DNAI3: variants seen among roughly 807,000 people sequenced by gnomAD.
The protein encoded by DNAI3 is dynein axonemal intermediate chain 3.
Under a neutral mutation model 115.5 loss-of-function variants are expected in DNAI3, and 83 were observed. The ratio of observed to expected loss-of-function variants is 0.72; its 90% confidence interval spans 0.60 to 0.86. The LOEUF (loss-of-function observed/expected upper bound fraction) is 0.86, where lower values mean the gene tolerates loss of function less well. DNAI3 is among the 40% of genes least tolerant of loss of function. DNAI3 has a pLI of 0.00. For synonymous variants in DNAI3, 320 were observed against 347.0 expected (o/e 0.92, Z 0.86); for missense variants, 1,004 against 1,075.8 (o/e 0.93, Z 0.93).
chr1:85,124,406 C>G (rs1261042336), intron 19 of DNAI3, among the ~76,000 whole-genome samples, 155 bp downstream of exon 19: 3 of 152,070 alleles, frequency 2.0e-5, no homozygotes, highest in African/African-American at 7.3e-5. Flanking sequence ...AGCAGAACCA[C>G]TGTAATCCTT....
intron 13 of DNAI3, among the ~76,000 whole-genome samples, chr1:85,104,120 C>CTTTTTT (rs1203756791): frequency 7.5e-6 from 1 of 133,532 alleles, no homozygotes; most frequent in East Asian, 2.1e-4. Flanking sequence ...GTGGTATGTC[C>CTTTTTT]TTTTTTTTTT....
intron 1 of DNAI3, among the ~76,000 whole-genome samples, chr1:85,071,694 G>A (rs1310671127): frequency 3.3e-5 from 5 of 152,182 alleles, no homozygotes; most frequent in Non-Finnish European, 7.3e-5. Flanking sequence ...GGTCACCACG[G>A]TGCGCTTCAG....
At chr1:85,119,942 C>G (rs1001383740) in intron 17 of DNAI3, among the ~76,000 whole-genome samples, 6 of 152,178 alleles carry the variant, frequency 3.9e-5, no homozygotes, top group Non-Finnish European at 8.8e-5. Context: ...TCAGGTGATC[C>G]GCTCGCCTTG....
At chr1:85,128,000 C>CACA (rs1331098698) in intron 20 of DNAI3, among the ~76,000 whole-genome samples, 3 of 151,652 alleles carry the variant, frequency 2.0e-5, no homozygotes, top group Non-Finnish European at 4.4e-5. Flanking sequence ...TGCTATGTGC[C>CACA]TGTAGTCCCA....
rs773398151 is a variant in DNAI3, at chr1:85,077,914, T to C, written c.104-3320T>C. On this transcript the variant is annotated intron_variant, in intron 3 of 22. Coordinates refer to ENST00000294664, the MANE Select transcript of DNAI3 (RefSeq NM_145172.5). Reference sequence around the variant, plus strand: ...AATGTACAATTGAAATGTATGAGAGTTGTTTTAAACAACGCTCATTATGTA... The same window carrying C: ...AATGTACAATTGAAATGTATGAGAGCTGTTTTAAACAACGCTCATTATGTA... Among the ~76,000 whole-genome samples the C allele has an allele frequency of 4.9e-4, 74 of 151,898 alleles. 1 individual carries two copies. Among genetic ancestry groups the C allele is most frequent in the South Asian group, 1.0e-3 (5 of 4,796 alleles).
intron 7 of DNAI3, 125 bp from the exon 8 acceptor site, chr1:85,089,991 A>G (rs976727175): frequency 6.2e-5 from 24 of 387,794 alleles, no homozygotes; most frequent in Non-Finnish European, 1.0e-4. Context: ...TTCAATGTAT[A>G]TAATTTAAAT....
intron 22 of DNAI3, among the ~76,000 whole-genome samples, chr1:85,130,794 T>A (rs1171674673): frequency 6.6e-6 from 1 of 152,112 alleles, no homozygotes; most frequent in African/African-American, 2.4e-5. Context: ...AAACTTGAAA[T>A]AGAGGAGAAT....
At position 85,128,804 on chromosome 1, in the gene DNAI3, G is replaced by A. The variant is rs1338380186; in HGVS notation, c.2409+5G>A. On this transcript the variant is annotated splice_donor_5th_base_variant and intron_variant, in intron 21 of 22. Coordinates refer to ENST00000294664, the MANE Select transcript of DNAI3 (RefSeq NM_145172.5). The stretch of plus-strand genomic sequence containing the variant: ...AGTCGCCCTTCCACCAATGAGGTTA[G>A]TAACTAACTTATGACTTTGAGAATT... 3 of 1,607,390 alleles carry A rather than the reference G, an allele frequency of 1.9e-6. No individual in the cohort carries two copies. Among genetic ancestry groups the A allele is most frequent in the Non-Finnish European group, 2.6e-6 (3 of 1,175,498 alleles).
intron 15 of DNAI3, among the ~76,000 whole-genome samples, chr1:85,108,752 T>C (rs1267025145): frequency 1.3e-5 from 2 of 152,224 alleles, no homozygotes; most frequent in African/African-American, 4.8e-5. Context: ...AGGTGGTTTT[T>C]CAACCTTTGC....
intron 19 of DNAI3, 116 bp from the exon 20 acceptor site, chr1:85,126,394 AT>A: frequency 9.4e-7 from 1 of 1,066,320 alleles, no homozygotes; most frequent in South Asian, 1.8e-5. Context: ...TGTGGGCATA[AT>A]TTTGTTGTTA....
In DNAI3 at chr1:85,079,602, A is replaced by T. The variant is rs184045991; in HGVS notation, c.104-1632A>T. Among the ~76,000 whole-genome samples the T allele has an allele frequency of 3.5e-3, 534 of 152,154 alleles. 5 individuals are homozygous for T. The highest frequency in any genetic ancestry group is 0.012 in the African/African-American group (506 of 41,504). On this transcript the variant is annotated intron_variant, in intron 3 of 22. Coordinates refer to ENST00000294664, the MANE Select transcript of DNAI3 (RefSeq NM_145172.5). ...AGTGGACCCTGGGAGTTGGGGAGAG[A>T]GTCCTGGGGACAGATGCAGAGCTGA...
chr1:85,108,048 G>A lies in DNAI3; in HGVS notation c.1569G>A (p.Trp523Ter). Residue 523 changes from tryptophan to a stop codon, truncating the protein, a stop_gained, in exon 15 of 23, where the codon TGG (tryptophan) becomes TGA (stop). Transcript: ENST00000294664. LOFTEE classifies it high-confidence loss of function. ...TTTTTTTTAGCACAATATGTTTTTG[G>A]GATATTAGACCACAGAAACCTTTAA... ...TCSADCTICF[W>*]DIRPQKPLTP... The A allele has an allele frequency of 6.3e-7, 1 of 1,578,180 alleles. No individual in the cohort carries two copies. The highest frequency in any genetic ancestry group is 1.4e-5 in the African/African-American group (1 of 72,986).
chr1:85,092,794 T>TACACACACACACACACAC lies in DNAI3; in HGVS notation c.858-639_858-622dup, dbSNP rs58308443. Among the ~76,000 whole-genome samples, 6 of 145,372 alleles carry TACACACACACACACACAC rather than the reference T, an allele frequency of 4.1e-5. No homozygotes were observed. In the East Asian group the frequency reaches 1.0e-3, roughly 25 times the overall value. On this transcript the variant is annotated intron_variant, in intron 8 of 22. Transcript: ENST00000294664. ...TCCCAGGCATTGTGACAACTAAAACTACACACACACACACACACACACACA... is the reference window on the plus strand; with the variant it reads ...TCCCAGGCATTGTGACAACTAAAACTACACACACACACACACACACACACACACACACACACACACACA...
chr1:85,087,989 A>C (rs1236295826), intron 7 of DNAI3, among the ~76,000 whole-genome samples: 1 of 152,152 alleles, frequency 6.6e-6, no homozygotes, highest in Admixed American at 6.6e-5. Context: ...AGATGAACAG[A>C]CAGGCCAAAA....
chr1:85,121,916 G>C, intron 18 of DNAI3, 102 bp downstream of exon 18: 1 of 1,259,976 alleles, frequency 7.9e-7, no homozygotes, highest in Admixed American at 1.8e-5. Flanking sequence ...CTTGCTAATG[G>C]GAGGGAAGGC....
chr1:85,079,950 T>G (rs998749180), intron 3 of DNAI3, among the ~76,000 whole-genome samples: 3 of 151,932 alleles, frequency 2.0e-5, no homozygotes, highest in African/African-American at 7.3e-5. Context: ...ATGTGAGGAA[T>G]TGAGTAACAG....
chr1:85,099,969 A>G (rs1426620787), intron 13 of DNAI3, among the ~76,000 whole-genome samples: 2 of 152,214 alleles, frequency 1.3e-5, no homozygotes, highest in African/African-American at 2.4e-5. Context: ...ACAAAAATTA[A>G]TTCAAGATGG....
At chr1:85,069,550 C>G (rs1004005556) in intron 1 of DNAI3, among the ~76,000 whole-genome samples, 1 of 151,730 alleles carries the variant, frequency 6.6e-6, no homozygotes, top group African/African-American at 2.4e-5. Context: ...ATGGTGTGTG[C>G]GTGGGGTGAG....
intron 18 of DNAI3, among the ~76,000 whole-genome samples, chr1:85,123,208 C>T (rs372605694): frequency 5.3e-5 from 8 of 152,304 alleles, no homozygotes; most frequent in African/African-American, 1.9e-4. Context: ...TCCTCTCTCA[C>T]CAGAACTGCC....
Sources: gnomAD v4.1 joint callset for allele counts (sites outside exome capture counted in the v4.1 genomes callset) on GRCh38, gnomAD v4.1.1 for gene constraint, MANE v1.5 for transcripts, NCBI Gene and HGNC (gene_info 2026-07-23, HGNC 2026-07-21) for gene names.